NCALD: variants seen among roughly 807,000 people sequenced by gnomAD.
NCALD encodes the protein neurocalcin-delta.
NCALD carries 10 observed loss-of-function variants against 18.6 expected under a neutral mutation model. The ratio of observed to expected loss-of-function variants is 0.54; its 90% CI spans 0.33 to 0.91. NCALD has a LOEUF of 0.91. Among genes scored for constraint, NCALD ranks in the 40% least tolerant of loss-of-function variants. NCALD has a pLI of 0.03. For synonymous variants in NCALD, 88 were observed against 87.4 expected (o/e 1.01, Z -0.04); for missense variants, 184 against 247.6 (o/e 0.74, Z 1.72).
intron 1 of NCALD, among the ~76,000 whole-genome samples, chr8:101,755,280 C>T (rs574216667): frequency 6.6e-6 from 1 of 152,312 alleles, no homozygotes; most frequent in East Asian, 1.9e-4. Context: ...GATACCGCTG[C>T]CCCAACTTCA....
chr8:102,120,229 G>A (rs1825905935), intron 1 of NCALD, among the ~76,000 whole-genome samples: 1 of 152,090 alleles, frequency 6.6e-6, no homozygotes, highest in African/African-American at 2.4e-5. Context: ...AAAATCCAGG[G>A]GCTCATCTCT....
At chr8:101,923,387 G>A (rs1310399693) in intron 2 of NCALD, among the ~76,000 whole-genome samples, 1 of 152,226 alleles carries the variant, frequency 6.6e-6, no homozygotes, top group African/African-American at 2.4e-5. Flanking sequence ...AGAAATGGAA[G>A]TCTAGGGTCT....
intron 1 of NCALD, among the ~76,000 whole-genome samples, chr8:102,082,114 A>G (rs191526292): frequency 5.3e-5 from 8 of 151,902 alleles, no homozygotes; most frequent in Admixed American, 2.0e-4. Flanking sequence ...TACCTCTAAG[A>G]GTGCAAAAAG....
chr8:101,987,007 A>C (rs1269953912), intron 2 of NCALD, among the ~76,000 whole-genome samples: 1 of 152,184 alleles, frequency 6.6e-6, no homozygotes. Flanking sequence ...GGGATCTTAA[A>C]GGCCACCTAC....
At chr8:101,895,964 C>A (rs1328507972) in intron 3 of NCALD, among the ~76,000 whole-genome samples, 4 of 150,966 alleles carry the variant, frequency 2.6e-5, no homozygotes, top group African/African-American at 9.9e-5. Context: ...GATTCAGTGC[C>A]ATCCCCATCA....
At chr8:101,836,415 G>A (rs901502778) in intron 4 of NCALD, among the ~76,000 whole-genome samples, 2 of 152,190 alleles carry the variant, frequency 1.3e-5, no homozygotes, top group Non-Finnish European at 2.9e-5. Flanking sequence ...CCCGTCCTGG[G>A]CCTTGGCACT....
chr8:101,827,622 GA>G (rs1813994351), intron 4 of NCALD, among the ~76,000 whole-genome samples: 1 of 152,210 alleles, frequency 6.6e-6, no homozygotes, highest in Admixed American at 6.5e-5. Flanking sequence ...CATTCTGTGG[GA>G]AAGGCATGTC....
At chr8:101,813,656 G>A (rs768525657) in intron 4 of NCALD, among the ~76,000 whole-genome samples, 3 of 152,048 alleles carry the variant, frequency 2.0e-5, no homozygotes, top group Non-Finnish European at 4.4e-5. Flanking sequence ...TGCCCCCCAG[G>A]TTTTGCATTA....
At chr8:101,713,177 A>G (rs1563684107) in intron 2 of NCALD, among the ~76,000 whole-genome samples, 1 of 152,218 alleles carries the variant, frequency 6.6e-6, no homozygotes, top group Non-Finnish European at 1.5e-5. Flanking sequence ...CTGAATGACT[A>G]GTGGGTAAAT....
At chr8:102,054,660 C>T (rs865912913) in intron 1 of NCALD, among the ~76,000 whole-genome samples, 1 of 142,294 alleles carries the variant, frequency 7.0e-6, no homozygotes, top group African/African-American at 2.7e-5. Flanking sequence ...CTTTCTCTTC[C>T]GATAGATAGA....
intron 4 of NCALD, among the ~76,000 whole-genome samples, chr8:101,805,055 C>G (rs1464872381): frequency 6.6e-6 from 1 of 152,084 alleles, no homozygotes; most frequent in Non-Finnish European, 1.5e-5. Flanking sequence ...TGGACCTGTT[C>G]CCCAATGACT....
chr8:101,957,289 GT>G (rs11305701), intron 2 of NCALD, among the ~76,000 whole-genome samples: 30,465 of 99,220 alleles, frequency 0.31, 4,313 homozygotes, highest in Non-Finnish European at 0.37. Context: ...AAAAGTTGGG[GT>G]TTTTTTTTTT....
intron 2 of NCALD, among the ~76,000 whole-genome samples, chr8:101,945,973 G>A (rs1456568811): frequency 6.6e-6 from 1 of 152,122 alleles, no homozygotes; most frequent in Admixed American, 6.5e-5. Flanking sequence ...ATCTATGATT[G>A]TCTCCTCACC....
intron 1 of NCALD, among the ~76,000 whole-genome samples, chr8:101,752,595 T>C (rs1308896001): frequency 6.6e-6 from 1 of 152,230 alleles, no homozygotes; most frequent in Admixed American, 6.5e-5. Flanking sequence ...TGAAATTATC[T>C]TGTGCTCTTT....
chr8:101,977,209 G>C (rs10091084), intron 2 of NCALD, among the ~76,000 whole-genome samples: 1 of 150,884 alleles, frequency 6.6e-6, no homozygotes, highest in African/African-American at 2.4e-5. Context: ...CCAGCATGAA[G>C]CATTACCCAG....
chr8:101,973,206 T>C (rs943388155), intron 2 of NCALD, among the ~76,000 whole-genome samples: 4 of 152,170 alleles, frequency 2.6e-5, no homozygotes, highest in African/African-American at 9.7e-5. Flanking sequence ...TTACTTAATA[T>C]CCTTTTTCCA....
intron 1 of NCALD, among the ~76,000 whole-genome samples, chr8:101,778,241 A>C (rs1811873379): frequency 6.6e-6 from 1 of 152,184 alleles, no homozygotes; most frequent in Non-Finnish European, 1.5e-5. Flanking sequence ...GTGGAAAACC[A>C]TTCCTACGTA....
intron 2 of NCALD, among the ~76,000 whole-genome samples, chr8:101,919,312 T>G (rs1368421249): frequency 2.6e-5 from 4 of 152,122 alleles, no homozygotes; most frequent in African/African-American, 9.7e-5. Context: ...GGTGCTCAGA[T>G]AGCTGGCTAG....
chr8:101,924,452 A>G (rs16868752), intron 2 of NCALD, among the ~76,000 whole-genome samples: 2,326 of 152,324 alleles, frequency 0.015, 52 homozygotes, highest in African/African-American at 0.052. Flanking sequence ...AAGTTTGGCA[A>G]TTTGCAGTTC....
Sources: allele counts gnomAD v4.1 joint callset (sites outside exome capture counted in the v4.1 genomes callset), GRCh38; gene constraint gnomAD v4.1.1; transcripts MANE v1.5; gene names NCBI Gene and HGNC (gene_info 2026-07-23, HGNC 2026-07-21).